ROCK2: variants seen among roughly 807,000 people sequenced by gnomAD.
ROCK2 encodes rho-associated protein kinase 2.
A neutral mutation model predicts 195.1 loss-of-function variants in ROCK2; 61 were observed. That is an observed-to-expected ratio of 0.31 (90% CI 0.25 to 0.39). The LOEUF (loss-of-function observed/expected upper bound fraction) is 0.39. ROCK2 is among the 10% of genes least tolerant of loss of function. The pLI is 1.00. For missense variants in ROCK2, 1,109 were observed against 1,637.4 expected (o/e 0.68, Z 5.57); for synonymous variants, 504 against 545.5 (o/e 0.92, Z 1.06).
chr2:11,196,084 TTC>T (rs1189939275), intron 27 of ROCK2, among the ~76,000 whole-genome samples: 13 of 152,284 alleles, frequency 8.5e-5, no homozygotes, highest in African/African-American at 3.1e-4. Flanking sequence ...TTTACACAAA[TTC>T]TCTTTAATCC....
At chr2:11,284,633 C>T (rs1404542761) in intron 3 of ROCK2, among the ~76,000 whole-genome samples, 4 of 152,116 alleles carry the variant, frequency 2.6e-5, no homozygotes, top group Non-Finnish European at 5.9e-5. Flanking sequence ...CAGGTATGGT[C>T]CATCAATTTC....
intron 1 of ROCK2, among the ~76,000 whole-genome samples, chr2:11,335,922 A>G (rs1342132769): frequency 6.6e-6 from 1 of 152,234 alleles, no homozygotes; most frequent in Non-Finnish European, 1.5e-5. Context: ...GAAACGATTG[A>G]TAATTGTGAC....
At position 11,195,048 on chromosome 2, in the gene ROCK2, A is replaced by G. The variant is rs769942526; in HGVS notation, c.3449-23T>C. The G allele has an allele frequency of 2.9e-6, 4 of 1,382,590 alleles. No individual in the cohort carries two copies. In the South Asian group the frequency reaches 4.2e-5, roughly 14 times the overall value. 85.6% of individuals were successfully genotyped at this position (1,382,590 alleles called of 1,614,324 possible). On this transcript the variant is annotated intron_variant, in intron 27 of 32. Transcript: ENST00000315872. ...ATTCTACAAATAAGCACAACATGTGAGGCTAAAGATAACAATTCTCCTTAG... is the reference window on the plus strand; with the variant it reads ...ATTCTACAAATAAGCACAACATGTGGGGCTAAAGATAACAATTCTCCTTAG...
intron 3 of ROCK2, among the ~76,000 whole-genome samples, chr2:11,254,450 A>G (rs188351801): frequency 3.3e-4 from 51 of 152,320 alleles, no homozygotes; most frequent in Admixed American, 2.3e-3. Context: ...GGAGATCCCT[A>G]GAAGTCACAT....
intron 1 of ROCK2, among the ~76,000 whole-genome samples, chr2:11,301,728 A>T (rs1396101515): frequency 6.6e-6 from 1 of 150,624 alleles, no homozygotes; most frequent in Non-Finnish European, 1.5e-5. Flanking sequence ...CAGTGGGCCA[A>T]GATCGCGCCA....
At chr2:11,310,920 A>C (rs1341796316) in intron 1 of ROCK2, among the ~76,000 whole-genome samples, 1 of 151,934 alleles carries the variant, frequency 6.6e-6, no homozygotes, top group Non-Finnish European at 1.5e-5. Context: ...CTCTGTGAGA[A>C]AAATGTATCT....
chr2:11,241,890 G>A (rs934110360), intron 4 of ROCK2, among the ~76,000 whole-genome samples: 1 of 152,190 alleles, frequency 6.6e-6, no homozygotes, highest in African/African-American at 2.4e-5. Flanking sequence ...TTGGGAAAAT[G>A]AGTAGGTCAT....
intron 20 of ROCK2, among the ~76,000 whole-genome samples, chr2:11,203,981 G>GT (rs1663957119): frequency 6.6e-6 from 1 of 152,066 alleles, no homozygotes; most frequent in Non-Finnish European, 1.5e-5. Flanking sequence ...TTTAAGAAAA[G>GT]TAATTTTCAG....
At chr2:11,215,774 G>A (rs1664405143) in intron 13 of ROCK2, 129 bp from the exon 14 acceptor site, 5 of 700,208 alleles carry the variant, frequency 7.1e-6, no homozygotes, top group Non-Finnish European at 1.1e-5. Context: ...TGTTAAAACT[G>A]TAATAATGCT....
chr2:11,269,027 A>C (rs1043762796), intron 3 of ROCK2, among the ~76,000 whole-genome samples: 1 of 152,154 alleles, frequency 6.6e-6, no homozygotes, highest in African/African-American at 2.4e-5. Context: ...TGCCGGCTCA[A>C]ATCTGCCCCT....
intron 17 of ROCK2, among the ~76,000 whole-genome samples, chr2:11,213,442 C>G (rs895714168): frequency 6.6e-6 from 1 of 151,994 alleles, no homozygotes; most frequent in Non-Finnish European, 1.5e-5. Context: ...ACATTGTGAT[C>G]TTCAGGCCAA....
At chr2:11,195,075 T>A (rs1271134787) in intron 27 of ROCK2, 50 bp from the exon 28 acceptor site, 1 of 1,000,802 alleles carries the variant, frequency 1.0e-6, no homozygotes, top group Non-Finnish European at 1.5e-6. Flanking sequence ...TCTCCTTAGA[T>A]AACAAAGAAC....
rs139842396 is a variant in ROCK2 at position 11,297,110 on chromosome 2, A to G, written c.142-9374T>C. Reference sequence around the variant, plus strand: ...AGAAAAACTAAGTAAATTTTACTAAAGCTTGTCAAAGTTATATTAACCAAT... The same window carrying G: ...AGAAAAACTAAGTAAATTTTACTAAGGCTTGTCAAAGTTATATTAACCAAT... On this transcript the variant is annotated intron_variant, in intron 1 of 32. Transcript: ENST00000315872. 7.1e-3 allele frequency among the ~76,000 whole-genome samples: 1,074 copies of G among 152,264 alleles called. 16 individuals carry two copies. The highest frequency in any genetic ancestry group is 0.025 in the African/African-American group (1,022 of 41,568).
chr2:11,211,465 T>C (rs1272974659), intron 18 of ROCK2, among the ~76,000 whole-genome samples: 1 of 152,194 alleles, frequency 6.6e-6, no homozygotes, highest in Non-Finnish European at 1.5e-5. Flanking sequence ...CATGTAATTT[T>C]GTGTTTGGGT....
Position 11,344,164 on chromosome 2 carries a change from C to G in ROCK2, c.-28G>C. ...CGCCACCGCTGGACCCGCACTCAGG[C>G]TCCTCGCGCTCAGGTCCCGCAGCCT... On this transcript the variant is annotated 5_prime_UTR_variant, in exon 1 of 33. Transcript: ENST00000315872. The surrounding 1 kb of genome is among the most constrained non-coding windows in gnomAD (Gnocchi z 5.4). 7.2e-7 allele frequency: 1 copy of G among 1,397,818 alleles called. No homozygotes were observed. The highest frequency in any genetic ancestry group is 3.1e-5 in the East Asian group (1 of 32,752). The allele number at this position is 1,397,818 out of a possible 1,614,324, so 86.6% of individuals were successfully genotyped here. A position where few individuals can be genotyped will look rare whatever the true frequency, so the allele number is the denominator to read the frequency against.
chr2:11,344,542 C>A lies in ROCK2; in HGVS notation c.-406G>T. The A allele has an allele frequency of 1.0e-6, 1 of 963,186 alleles. No homozygotes were observed. Among genetic ancestry groups the A allele is most frequent in the South Asian group, 4.8e-5 (1 of 20,892 alleles). The allele number at this position is 963,186 out of a possible 1,614,324, so 59.7% of individuals were successfully genotyped here. A position where few individuals can be genotyped will look rare whatever the true frequency, so the allele number is the denominator to read the frequency against. On this transcript the variant is annotated 5_prime_UTR_variant, in exon 1 of 33. Coordinates refer to ENST00000315872, the MANE Select transcript of ROCK2 (RefSeq NM_004850.5). The surrounding 1 kb of genome is among the most constrained non-coding windows in gnomAD (Gnocchi z 5.4). ...GCTGAAGCCCAGGCCTGGGCCACTA[C>A]GGCCGCCGCCGGCCCGCTGCCATGG... is the stretch of plus-strand genomic sequence containing the variant.
At chr2:11,212,166 C>A (rs891425886) in intron 17 of ROCK2, among the ~76,000 whole-genome samples, 5 of 152,136 alleles carry the variant, frequency 3.3e-5, no homozygotes, top group African/African-American at 1.2e-4. Flanking sequence ...ATCCTCCCGA[C>A]TCAGCCTCCC....
At chr2:11,195,241 G>T (rs1663584739) in intron 27 of ROCK2, 2 of 291,532 alleles carry the variant, frequency 6.9e-6, no homozygotes, top group Non-Finnish European at 6.2e-6. Flanking sequence ...ATTGGAAACA[G>T]ATAGTCTATA....
At chr2:11,271,197 C>G (rs1666615186) in intron 3 of ROCK2, among the ~76,000 whole-genome samples, 1 of 152,190 alleles carries the variant, frequency 6.6e-6, no homozygotes, top group Non-Finnish European at 1.5e-5. Context: ...GAAGCAAATG[C>G]TGTGGCATAT....
Sources: gnomAD v4.1 joint callset for allele counts (sites outside exome capture counted in the v4.1 genomes callset) on GRCh38, gnomAD v4.1.1 for gene constraint, Gnocchi (gnomAD v3.1) non-coding constraint, MANE v1.5 for transcripts, NCBI Gene and HGNC (gene_info 2026-07-23, HGNC 2026-07-21) for gene names.